ARHGAP24: variants seen among roughly 807,000 people sequenced by gnomAD.
ARHGAP24 encodes the protein Rho GTPase activating protein 24.
A neutral mutation model predicts 76.4 loss-of-function variants in ARHGAP24; 50 were observed. That is an observed-to-expected ratio of 0.65 (90% CI 0.52 to 0.83). The LOEUF (loss-of-function observed/expected upper bound fraction) is 0.83, where lower values mean the gene tolerates loss of function less well. Among genes scored for constraint, ARHGAP24 ranks in the 40% least tolerant of loss-of-function variants. ARHGAP24 has a pLI of 0.00. For missense variants in ARHGAP24, 930 were observed against 914.2 expected, an observed-to-expected ratio of 1.02 and a Z score of -0.22; for synonymous variants, 345 against 323.3, an observed-to-expected ratio of 1.07 and a Z score of -0.72.
intron 2 of ARHGAP24, among the ~76,000 whole-genome samples, chr4:85,662,413 A>G (rs923660705): frequency 1.3e-5 from 2 of 150,800 alleles, no homozygotes; most frequent in Non-Finnish European, 2.9e-5. Flanking sequence ...GATTTTGGAT[A>G]TTATCCCTTT....
chr4:85,932,571 A>G (rs1345842307), intron 4 of ARHGAP24, among the ~76,000 whole-genome samples: 1 of 151,746 alleles, frequency 6.6e-6, no homozygotes, highest in African/African-American at 2.4e-5. Context: ...TGGGAAGAAC[A>G]TTCCCATGGA....
intron 3 of ARHGAP24, among the ~76,000 whole-genome samples, chr4:85,921,726 C>T (rs1735731352): frequency 6.6e-6 from 1 of 152,040 alleles, no homozygotes; most frequent in South Asian, 2.1e-4. Context: ...AGGAGGTGAG[C>T]CAGGGGCAAG....
At chr4:85,526,570 C>G (rs1271378046) in intron 1 of ARHGAP24, among the ~76,000 whole-genome samples, 1 of 151,892 alleles carries the variant, frequency 6.6e-6, no homozygotes, top group Non-Finnish European at 1.5e-5. Context: ...GGACTTCTGC[C>G]TCTATTAAGG....
Position 85,916,029 on chromosome 4 carries a change from T to A in ARHGAP24, c.269-7619T>A, listed in dbSNP as rs151211402. ...CCACAACAGTTGAACTAATTTACAC[T>A]CCCACCAACAGTGTAAAATTGTTCC... is the stretch of plus-strand genomic sequence containing the variant. On this transcript the variant is annotated intron_variant, in intron 3 of 9. Transcript: ENST00000395184. Among the ~76,000 whole-genome samples, 936 of 152,292 alleles carry A rather than the reference T, an allele frequency of 6.1e-3. 3 individuals are homozygous for A. The highest frequency in any genetic ancestry group is 0.011 in the Non-Finnish European group (744 of 68,030).
intron 3 of ARHGAP24, among the ~76,000 whole-genome samples, chr4:85,779,335 A>T (rs902296721): frequency 6.6e-6 from 1 of 152,174 alleles, no homozygotes; most frequent in African/African-American, 2.4e-5. Flanking sequence ...TTGACTGGGC[A>T]GGAGGGGGAG....
chr4:85,675,938 C>T (rs1722965549), intron 2 of ARHGAP24, among the ~76,000 whole-genome samples: 1 of 152,182 alleles, frequency 6.6e-6, no homozygotes, highest in Admixed American at 6.6e-5. Flanking sequence ...ACTGAAGTGA[C>T]ATCCTGTATA....
intron 3 of ARHGAP24, among the ~76,000 whole-genome samples, chr4:85,880,473 A>G (rs1264163396): frequency 6.6e-6 from 1 of 152,048 alleles, no homozygotes; most frequent in Non-Finnish European, 1.5e-5. Flanking sequence ...CACACATTTA[A>G]TGGCTTTTCC....
intron 2 of ARHGAP24, among the ~76,000 whole-genome samples, chr4:85,595,597 A>G (rs1162600659): frequency 6.6e-6 from 1 of 152,068 alleles, no homozygotes; most frequent in Non-Finnish European, 1.5e-5. Flanking sequence ...TAGGGAACAT[A>G]ATGGAAAGAT....
chr4:85,933,930 T>C (rs1736490261), intron 4 of ARHGAP24, among the ~76,000 whole-genome samples: 1 of 152,224 alleles, frequency 6.6e-6, no homozygotes, highest in South Asian at 2.1e-4. Flanking sequence ...AGCCACTTAG[T>C]GATCATTCAC....
chr4:85,930,444 A>G, intron 4 of ARHGAP24: 1 of 987,822 alleles, frequency 1.0e-6, no homozygotes, highest in Non-Finnish European at 1.2e-6. Flanking sequence ...GAAAGGAGCC[A>G]GCAAGGACAG....
intron 1 of ARHGAP24, among the ~76,000 whole-genome samples, chr4:85,554,028 C>T (rs1726251685): frequency 6.6e-6 from 1 of 152,076 alleles, no homozygotes; most frequent in Non-Finnish European, 1.5e-5. Context: ...GATTCCATCA[C>T]CATTTGCTTG....
chr4:85,609,949 A>G lies in ARHGAP24; in HGVS notation c.180+39228A>G, dbSNP rs567380612. Among the ~76,000 whole-genome samples the G allele has an allele frequency of 1.2e-3, 179 of 152,316 alleles. 2 individuals carry two copies. The highest frequency in any genetic ancestry group is 4.1e-3 in the African/African-American group (170 of 41,570). Reference sequence around the variant, plus strand: ...TTATGGCACTTCCAGTTTAAATGCTATTAAACTGCACCTCATTAGATTACC... The same window carrying G: ...TTATGGCACTTCCAGTTTAAATGCTGTTAAACTGCACCTCATTAGATTACC... On this transcript the variant is annotated intron_variant, in intron 2 of 9. Transcript: ENST00000395184.
intron 1 of ARHGAP24, among the ~76,000 whole-genome samples, chr4:85,557,524 A>T (rs756689208): frequency 6.6e-6 from 1 of 150,660 alleles, no homozygotes; most frequent in Non-Finnish European, 1.5e-5. Context: ...CAGTGTGGTG[A>T]CTCCCCTGGC....
chr4:85,493,951 ACTTTT>A (rs1442768855), intron 1 of ARHGAP24, among the ~76,000 whole-genome samples: 4 of 152,204 alleles, frequency 2.6e-5, no homozygotes, highest in Non-Finnish European at 4.4e-5. Context: ...TTCCTAAGTT[ACTTTT>A]CTTCTCTTCC....
intron 2 of ARHGAP24, among the ~76,000 whole-genome samples, chr4:85,683,939 A>T (rs1205146847): frequency 6.6e-6 from 1 of 152,154 alleles, no homozygotes; most frequent in East Asian, 1.9e-4. Flanking sequence ...AATTTCCTTT[A>T]AGGCTGAATG....
Position 85,791,123 on chromosome 4 carries a change from T to A in ARHGAP24, c.268+69151T>A, listed in dbSNP as rs561958473. Among the ~76,000 whole-genome samples the A allele has an allele frequency of 5.9e-5, 9 of 152,140 alleles. No homozygotes were observed. The South Asian group carries it at 1.9e-3, about 32-fold the overall frequency. On this transcript the variant is annotated intron_variant, in intron 3 of 9. Transcript: ENST00000395184. Reference sequence around the variant, plus strand: ...TCCCCTTTTTAACCAAACAAAGAAATAAAGAATCACAGAAAGGGAAGAACT... The same window carrying A: ...TCCCCTTTTTAACCAAACAAAGAAAAAAAGAATCACAGAAAGGGAAGAACT...
chr4:85,492,994 T>A (rs545650417), intron 1 of ARHGAP24, among the ~76,000 whole-genome samples: 18 of 152,200 alleles, frequency 1.2e-4, no homozygotes, highest in Non-Finnish European at 2.2e-4. Context: ...ATCTTGACAC[T>A]TTTGAAGTCT....
At chr4:85,911,995 G>C (rs1735113376) in intron 3 of ARHGAP24, among the ~76,000 whole-genome samples, 1 of 152,166 alleles carries the variant, frequency 6.6e-6, no homozygotes, top group South Asian at 2.1e-4. Flanking sequence ...CTTGTAATTA[G>C]AATAGGTGAG....
chr4:85,875,046 A>ATATATAATATATTATATTT lies in ARHGAP24; in HGVS notation c.269-48589_269-48588insATATTTTATATAATATATT, dbSNP rs1408132964. 1.6e-4 allele frequency among the ~76,000 whole-genome samples: 14 copies of ATATATAATATATTATATTT among 85,644 alleles called. 1 individual carries two copies. The highest frequency in any genetic ancestry group is 2.8e-4 in the Non-Finnish European group (14 of 50,110). The allele number at this position is 85,644 out of a possible 152,430, so 56.2% of individuals were successfully genotyped here. On this transcript the variant is annotated intron_variant, in intron 3 of 9. Coordinates refer to ENST00000395184, the MANE Select transcript of ARHGAP24 (RefSeq NM_001025616.3). Reference sequence around the variant, plus strand: ...AATATTTATATATACTATATTATTTATATATAATATATTTGTTTTATATAT... The same window carrying ATATATAATATATTATATTT: ...AATATTTATATATACTATATTATTTATATATAATATATTATATTTTATATAATATATTTGTTTTATATAT...
Sources: allele counts gnomAD v4.1 joint callset (sites outside exome capture counted in the v4.1 genomes callset), GRCh38; gene constraint gnomAD v4.1.1; transcripts MANE v1.5; gene names NCBI Gene and HGNC (gene_info 2026-07-23, HGNC 2026-07-21).